Variants in MAD1L1 observed in about 807,000 individuals in gnomAD.
The protein encoded by MAD1L1 is mitotic arrest deficient 1 like 1, also known as mitotic spindle assembly checkpoint protein MAD1.
A neutral mutation model predicts 96.9 loss-of-function variants in MAD1L1; 95 were observed. The observed-to-expected ratio is 0.98, with a 90% CI of 0.83 to 1.16. The LOEUF (loss-of-function observed/expected upper bound fraction) is 1.16. Ranked by LOEUF, MAD1L1 falls within the 50% of genes most tolerant of loss-of-function variation. The pLI is 0.00. For missense variants in MAD1L1, 1,007 were observed against 954.4 expected (o/e 1.06, Z -0.73); for synonymous variants, 473 against 396.6 (o/e 1.19, Z -2.29).
intron 5 of MAD1L1, chr7:2,221,057 CAGGG>C (rs1446645394): frequency 1.9e-6 from 3 of 1,602,196 alleles, no homozygotes; most frequent in Non-Finnish European, 2.6e-6. Flanking sequence ...GCCTAGTGCG[CAGGG>C]AGGGCTTCCC....
At chr7:2,007,664 ACT>A (rs528326807) in intron 13 of MAD1L1, among the ~76,000 whole-genome samples, 34 of 151,988 alleles carry the variant, frequency 2.2e-4, no homozygotes, top group Non-Finnish European at 4.3e-4. Context: ...ACTGAGCGAG[ACT>A]CTGTCCCCAC....
chr7:1,843,361 C>T (rs1398002924), intron 18 of MAD1L1, among the ~76,000 whole-genome samples: 5 of 152,180 alleles, frequency 3.3e-5, no homozygotes, highest in South Asian at 2.1e-4. Flanking sequence ...CCTGCGCAGA[C>T]GTCCCTCACG....
At chr7:1,887,189 G>C (rs1243344306) in intron 18 of MAD1L1, among the ~76,000 whole-genome samples, 1 of 152,262 alleles carries the variant, frequency 6.6e-6, no homozygotes, top group Admixed American at 6.5e-5. Flanking sequence ...TGGGACGCCT[G>C]GGAGAGACAG....
In MAD1L1 at chr7:1,980,512, A is replaced by C; in HGVS notation, c.1446T>G (p.Ser482=). ...MLEMELKMLK[S]QSSSAEQSFL... is the part of the protein sequence containing the mutation. ...AGCTCTGTTCGGCAGAGCTGGACTGAGACTTCAGCATCTTCAGCTCCATCT... is the reference window on the plus strand; with the variant it reads ...AGCTCTGTTCGGCAGAGCTGGACTGCGACTTCAGCATCTTCAGCTCCATCT... The change falls in exon 15 of 19, where the codon TCT becomes TCG. Residue 482 remains serine (S), a synonymous_variant. Coordinates refer to ENST00000265854, the MANE Select transcript of MAD1L1 (RefSeq NM_001013836.2). The C allele has an allele frequency of 6.2e-7, 1 of 1,613,202 alleles. No individual in the cohort carries two copies. The highest frequency in any genetic ancestry group is 8.5e-7 in the Non-Finnish European group (1 of 1,179,806).
chr7:2,022,928 C>T (rs1353171970), intron 12 of MAD1L1, among the ~76,000 whole-genome samples: 3 of 152,106 alleles, frequency 2.0e-5, no homozygotes, highest in Non-Finnish European at 4.4e-5. Flanking sequence ...AACAAGGAAA[C>T]GATCAGGAAT....
chr7:2,190,613 G>GAC (rs1402305796), intron 10 of MAD1L1, among the ~76,000 whole-genome samples: 1 of 152,122 alleles, frequency 6.6e-6, no homozygotes, highest in Non-Finnish European at 1.5e-5. Flanking sequence ...CTCAGAAGAT[G>GAC]ACAGTCCAAT....
chr7:2,040,868 G>A (rs1359561852), intron 12 of MAD1L1, among the ~76,000 whole-genome samples: 2 of 152,230 alleles, frequency 1.3e-5, no homozygotes, highest in Admixed American at 6.5e-5. Context: ...TGCAAACAGA[G>A]GTGTTGGCTG....
chr7:2,138,124 CCT>C (rs1183963865), intron 11 of MAD1L1, among the ~76,000 whole-genome samples: 2 of 152,242 alleles, frequency 1.3e-5, no homozygotes, highest in East Asian at 3.8e-4. Context: ...CTGGGCAGCC[CCT>C]GACACTGCGG....
chr7:1,876,915 C>A (rs1252926701), intron 18 of MAD1L1, among the ~76,000 whole-genome samples: 3 of 117,974 alleles, frequency 2.5e-5, no homozygotes, highest in African/African-American at 8.7e-5. Context: ...CATCTCCAGG[C>A]CCCCCGCCCT....
chr7:2,203,080 C>T (rs1341627846), intron 10 of MAD1L1, among the ~76,000 whole-genome samples: 1 of 152,212 alleles, frequency 6.6e-6, no homozygotes, highest in African/African-American at 2.4e-5. Flanking sequence ...CCCCCTCAGG[C>T]CTGCCCTTGC....
rs1455544610 is a variant in MAD1L1 at position 2,119,907 on chromosome 7, C to T, written c.1073+29245G>A. On this transcript the variant is annotated intron_variant, in intron 11 of 18. Coordinates refer to ENST00000265854, the MANE Select transcript of MAD1L1 (RefSeq NM_001013836.2). The surrounding 1 kb of genome is among the most constrained non-coding windows in gnomAD (Gnocchi z 4.6). ...CTTCCAAGCATCCAACCAGGAGCTC[C>T]TTATTCCCTGAAAGCCGCCCTCAGC... Among the ~76,000 whole-genome samples the T allele has an allele frequency of 6.6e-6, 1 of 152,158 alleles. No homozygotes were observed. The highest frequency in any genetic ancestry group is 1.5e-5 in the Non-Finnish European group (1 of 68,000).
chr7:2,155,318 CTT>C (rs1789776894), intron 10 of MAD1L1, among the ~76,000 whole-genome samples: 2 of 152,350 alleles, frequency 1.3e-5, no homozygotes, highest in South Asian at 2.1e-4. Context: ...GTAAAATACA[CTT>C]AACATAAAAT....
chr7:2,137,629 G>A (rs1318921352), intron 11 of MAD1L1, among the ~76,000 whole-genome samples: 13 of 152,196 alleles, frequency 8.5e-5, no homozygotes, highest in Admixed American at 8.5e-4. Flanking sequence ...CCCAGGTGCA[G>A]ACAGGCTTGT....
intron 3 of MAD1L1, among the ~76,000 whole-genome samples, chr7:2,225,970 T>C (rs1793872586): frequency 6.6e-6 from 1 of 152,232 alleles, no homozygotes; most frequent in Non-Finnish European, 1.5e-5. Context: ...CCTTCCCGAC[T>C]GGCTGCCAGC....
chr7:2,061,499 C>T (rs1784658950), intron 12 of MAD1L1, among the ~76,000 whole-genome samples: 1 of 152,238 alleles, frequency 6.6e-6, no homozygotes, highest in Non-Finnish European at 1.5e-5. Context: ...GTAAGAACAA[C>T]AGCTTTCGAG....
At chr7:1,945,661 G>A (rs1161104582) in intron 16 of MAD1L1, among the ~76,000 whole-genome samples, 1 of 152,344 alleles carries the variant, frequency 6.6e-6, no homozygotes, top group African/African-American at 2.4e-5. Flanking sequence ...AGTGCTCTGT[G>A]AGCCCTCTTT....
chr7:2,069,269 C>T lies in MAD1L1; in HGVS notation c.1143G>A (p.Leu381=). The change falls in exon 12 of 19, where the codon TTG becomes TTA. Residue 381 remains leucine (L), a synonymous_variant. Coordinates refer to ENST00000265854, the MANE Select transcript of MAD1L1 (RefSeq NM_001013836.2). ...EELRQVSGQL[L]EERKKRETHE... is the part of the protein sequence containing the mutation. Reference sequence around the variant, plus strand: ...GGGTCTCGCGCTTCTTCCTCTCCTCCAACAGCTGGCCGCTGACCTGCCGGA... The same window carrying T: ...GGGTCTCGCGCTTCTTCCTCTCCTCTAACAGCTGGCCGCTGACCTGCCGGA... 1 of 1,611,890 alleles carries T rather than the reference C, an allele frequency of 6.2e-7. No homozygotes were observed. Among genetic ancestry groups the T allele is most frequent in the Non-Finnish European group, 8.5e-7 (1 of 1,179,682 alleles).
chr7:1,873,574 T>C (rs766478539), intron 18 of MAD1L1, among the ~76,000 whole-genome samples: 1 of 151,854 alleles, frequency 6.6e-6, no homozygotes, highest in East Asian at 1.9e-4. Context: ...AAGGGGCTCT[T>C]CTGGGGCTGG....
Position 1,857,256 on chromosome 7 carries a change from C to T in MAD1L1, c.1998+40944G>A, listed in dbSNP as rs540916993. 3.9e-5 allele frequency among the ~76,000 whole-genome samples: 6 copies of T among 152,302 alleles called. No homozygotes were observed. The East Asian group carries it at 7.7e-4, about 20-fold the overall frequency. The stretch of plus-strand genomic sequence containing the variant: ...CAGGAGGCACGGCTGTCCCACGTCT[C>T]GGGCGAGGGTGGGTGCGATGACTTT... On this transcript the variant is annotated intron_variant, in intron 18 of 18. Transcript: ENST00000265854.
Sources: gnomAD v4.1 joint callset for allele counts (sites outside exome capture counted in the v4.1 genomes callset) on GRCh38, gnomAD v4.1.1 for gene constraint, Gnocchi (gnomAD v3.1) non-coding constraint, MANE v1.5 for transcripts, NCBI Gene and HGNC (gene_info 2026-07-23, HGNC 2026-07-21) for gene names.